CTDSP1: variants seen among roughly 807,000 people sequenced by gnomAD.
The protein encoded by CTDSP1 is CTD small phosphatase 1.
In CTDSP1, 15 loss-of-function variants were observed where a neutral mutation model predicts 32.5. That is an observed-to-expected ratio of 0.46 (90% confidence interval 0.31 to 0.71). The LOEUF is 0.71. Among genes scored for constraint, CTDSP1 ranks in the 30% least tolerant of loss-of-function variants. The pLI is 0.05. For synonymous variants in CTDSP1, 185 were observed against 145.4 expected (o/e 1.27, Z -1.96); for missense variants, 294 against 351.1 (o/e 0.84, Z 1.30).
At chr2:218,401,766 T>C in intron 2 of CTDSP1, 54 bp downstream of exon 2, 3 of 1,471,910 alleles carry the variant, frequency 2.0e-6, no homozygotes, top group East Asian at 4.7e-5. Flanking sequence ...TCTTCAGGGC[T>C]TTAGGGGAAG....
intron 4 of CTDSP1, 55 bp downstream of exon 4, chr2:218,402,460 C>G (rs1697198312): frequency 6.5e-7 from 1 of 1,539,354 alleles, no homozygotes; most frequent in Admixed American, 1.7e-5. Flanking sequence ...AGACCCTAGG[C>G]TCTTCCCACC....
Position 218,404,791 on chromosome 2 carries a change from G to A in CTDSP1, c.*366G>A. 1 of 198,830 alleles carries A rather than the reference G, an allele frequency of 5.0e-6. No individual in the cohort carries two copies. The highest frequency in any genetic ancestry group is 2.3e-5 in the African/African-American group (1 of 43,110). The allele number at this position is 198,830 out of a possible 1,614,324, so 12.3% of individuals were successfully genotyped here. On this transcript the variant is annotated 3_prime_UTR_variant, in exon 7 of 7. Transcript: ENST00000273062. ...TCCTGGGGGCAGGGTTCCTGCCTTG[G>A]ACCCCCAGTCTGGGAACGGTGGACA...
intron 5 of CTDSP1, 22 bp from the exon 6 acceptor site, chr2:218,403,210 A>C (rs772562703): frequency 3.1e-6 from 5 of 1,611,394 alleles, no homozygotes; most frequent in Non-Finnish European, 4.2e-6. Context: ...GGGCCCCAGG[A>C]TGACCCACCT....
upstream of CTDSP1, among the ~76,000 whole-genome samples, chr2:218,397,370 C>G (rs1342654475): frequency 6.6e-6 from 1 of 152,120 alleles, no homozygotes. Flanking sequence ...CAGAGTTGCT[C>G]TTCTGGAAGC....
chr2:218,399,402 C>G (rs551005015), upstream of CTDSP1: 1 of 152,440 alleles, frequency 6.6e-6, no homozygotes, highest in African/African-American at 2.4e-5. Context: ...AGAGCCTTCG[C>G]TGGCTCTTGA....
In CTDSP1 at chr2:218,400,654, C is replaced by T. The variant is rs772424075; in HGVS notation, c.67+497C>T. On this transcript the variant is annotated intron_variant, in intron 1 of 6. Coordinates refer to ENST00000273062, the MANE Select transcript of CTDSP1 (RefSeq NM_021198.3). ...TCTCCCGCCAACACACAGCTACGTTCCCCACAAACTTCGCGTCACGCGTGG... is the reference window on the plus strand; with the variant it reads ...TCTCCCGCCAACACACAGCTACGTTTCCCACAAACTTCGCGTCACGCGTGG... 3 of 440,566 alleles carry T rather than the reference C, an allele frequency of 6.8e-6. No individual in the cohort carries two copies. The East Asian group carries it at 2.1e-4, about 31-fold the overall frequency. The allele number at this position is 440,566 out of a possible 1,614,324, so 27.3% of individuals were successfully genotyped here.
At chr2:218,402,569 C>T (rs1361927779) in intron 4 of CTDSP1, 164 bp downstream of exon 4, 2 of 794,730 alleles carry the variant, frequency 2.5e-6, no homozygotes, top group Non-Finnish European at 4.4e-6. Flanking sequence ...ACCTCAAGGG[C>T]TTGTGCTGAC....
chr2:218,399,012 G>A (rs926124774), upstream of CTDSP1: 1 of 152,250 alleles, frequency 6.6e-6, no homozygotes, highest in African/African-American at 2.4e-5. Context: ...TGGGCTCCTA[G>A]GATCGGCAGC....
At chr2:218,402,866 G>A (rs1697224052) in intron 4 of CTDSP1, 169 bp from the exon 5 acceptor site, 1 of 662,098 alleles carries the variant, frequency 1.5e-6, no homozygotes, top group East Asian at 2.7e-5. Flanking sequence ...TTCTGGCGGG[G>A]GGTGGGTACA....
chr2:218,400,992 G>T (rs372551126), intron 1 of CTDSP1: 2 of 445,092 alleles, frequency 4.5e-6, no homozygotes, highest in Admixed American at 4.8e-5. Flanking sequence ...GGGTGGGAGG[G>T]GTATCTGTCA....
chr2:218,405,065 C>T lies in CTDSP1; in HGVS notation c.*640C>T, dbSNP rs1039083821. Reference sequence around the variant, plus strand: ...AGGGCCGACAGCTGAGGGCTGCTCCCTGCATCATCCAAGCAATGACCTCAG... The same window carrying T: ...AGGGCCGACAGCTGAGGGCTGCTCCTTGCATCATCCAAGCAATGACCTCAG... On this transcript the variant is annotated 3_prime_UTR_variant, in exon 7 of 7. Coordinates refer to ENST00000273062, the MANE Select transcript of CTDSP1 (RefSeq NM_021198.3). 6.5e-6 allele frequency: 1 copy of T among 152,974 alleles called. No individual in the cohort carries two copies. Among genetic ancestry groups the T allele is most frequent in the Non-Finnish European group, 1.5e-5 (1 of 68,198 alleles). The allele number at this position is 152,974 out of a possible 1,614,324, so 9.5% of individuals were successfully genotyped here.
intron 1 of CTDSP1, chr2:218,400,422 G>C: frequency 1.8e-6 from 1 of 569,742 alleles, no homozygotes; most frequent in South Asian, 1.8e-5. Flanking sequence ...CTCTTCGGGG[G>C]TTTCCTGGCA....
chr2:218,399,602 C>T (rs936501413), upstream of CTDSP1: 8 of 471,806 alleles, frequency 1.7e-5, no homozygotes, highest in South Asian at 7.1e-4. Context: ...GGCGGGCGGG[C>T]CTTGGCCGAG....
In CTDSP1 at chr2:218,404,511, A is replaced by G; in HGVS notation, c.*86A>G. 1 of 1,530,084 alleles carries G rather than the reference A, an allele frequency of 6.5e-7. No homozygotes were observed. The highest frequency in any genetic ancestry group is 8.9e-7 in the Non-Finnish European group (1 of 1,127,888). 94.8% of individuals were successfully genotyped at this position (1,530,084 alleles called of 1,614,324 possible). A position where few individuals can be genotyped will look rare whatever the true frequency, so the allele number is the denominator to read the frequency against. ...GACTGCCCAGGCCTTTGTTAGGAAA[A>G]CCCATGGGCCGCCGCCACACTCAGT... On this transcript the variant is annotated 3_prime_UTR_variant, in exon 7 of 7. Transcript: ENST00000273062.
upstream of CTDSP1, chr2:218,399,788 G>T (rs1288799939): frequency 9.2e-7 from 1 of 1,090,604 alleles, no homozygotes; most frequent in Non-Finnish European, 1.1e-6. Context: ...AGTGGCGAAA[G>T]CCGCAGCCGA....
upstream of CTDSP1, chr2:218,398,417 T>G (rs1326834465): frequency 1.3e-6 from 2 of 1,535,022 alleles, no homozygotes; most frequent in African/African-American, 2.7e-5. Context: ...AGCGCAATGG[T>G]GGCCGCCCCG....
chr2:218,404,577 G>C lies in CTDSP1; in HGVS notation c.*152G>C. 1.1e-6 allele frequency: 1 copy of C among 941,310 alleles called. No homozygotes were observed. Among genetic ancestry groups the C allele is most frequent in the Non-Finnish European group, 1.6e-6 (1 of 635,742 alleles). 58.3% of individuals were successfully genotyped at this position (941,310 alleles called of 1,614,324 possible). On this transcript the variant is annotated 3_prime_UTR_variant, in exon 7 of 7. Transcript: ENST00000273062. ...GCGTCTCCCCCACCAGCCCCACCAG[G>C]CGGTGTAGGGGCAGCAGGCTGCACT...
chr2:218,401,112 C>G, intron 1 of CTDSP1: 1 of 369,888 alleles, frequency 2.7e-6, no homozygotes, highest in South Asian at 1.9e-5. Flanking sequence ...TGGGCCCAGC[C>G]GCAGTGAGGA....
chr2:218,400,106 G>A lies in CTDSP1; in HGVS notation c.16G>A (p.Val6Ile). MDSSA[V>I]ITQISKEEAR... ...GCCCGGCCCCATGGACAGCTCGGCC[G>A]TCATTACTCAGATCAGCAAGGAGGA... The change falls in exon 1 of 7, where the codon GTC becomes ATC. Residue 6 changes from valine (V) to isoleucine (I), a missense_variant. Around this residue, in one of 2 missense-constraint regions of CTDSP1, gnomAD observed 148 missense variants for 113.3 expected, o/e 1.31. Transcript: ENST00000273062. 3.3e-6 allele frequency: 5 copies of A among 1,538,382 alleles called. No homozygotes were observed. In the South Asian group the frequency reaches 6.0e-5, roughly 19 times the overall value.
Sources: allele counts gnomAD v4.1 joint callset (sites outside exome capture counted in the v4.1 genomes callset), GRCh38; gene constraint gnomAD v4.1.1; regional missense constraint gnomAD v4.1.1; transcripts MANE v1.5; gene names NCBI Gene and HGNC (gene_info 2026-07-23, HGNC 2026-07-21).